Variants in ARHGEF10 observed in about 807,000 individuals in gnomAD.
The protein encoded by ARHGEF10 is Rho guanine nucleotide exchange factor (GEF) 10.
In ARHGEF10, 140 loss-of-function variants were observed where a neutral mutation model predicts 147.4. The observed-to-expected ratio is 0.95, with a 90% CI of 0.83 to 1.09. ARHGEF10 has a LOEUF of 1.09. ARHGEF10 is among the 50% of genes least tolerant of loss of function. The pLI, the probability that ARHGEF10 is intolerant of heterozygous loss-of-function variation, is 0.00. For missense variants in ARHGEF10, 2,222 were observed against 1,752.7 expected, an observed-to-expected ratio of 1.27 and a Z score of -4.78; for synonymous variants, 902 against 695.8, an observed-to-expected ratio of 1.30 and a Z score of -4.67.
rs1264577586 is a variant in ARHGEF10 at position 1,952,726 on chromosome 8, C to T, written c.3419C>T (p.Thr1140Met). The change falls in exon 28 of 29, where the codon ACG (threonine) becomes ATG (methionine). Residue 1140 changes from threonine (T) to methionine (M), a missense_variant. By Grantham distance (81) the Thr-to-Met change is moderately conservative (BLOSUM62 -1). Coordinates refer to ENST00000349830, the MANE Select transcript of ARHGEF10 (RefSeq NM_014629.4). ...CCAGGGCACCAGCGGCTGTCGGTGA[C>T]GAGCCTGCTCGTCTGCCACGGATTG... ...MLPGHQRLSVTSLLVCHGLLM... is the reference protein window; with the variant it reads ...MLPGHQRLSVMSLLVCHGLLM... The T allele has an allele frequency of 3.6e-5, 58 of 1,612,922 alleles. No homozygotes were observed. Among genetic ancestry groups the T allele is most frequent in the Non-Finnish European group, 4.5e-5 (53 of 1,179,944 alleles).
chr8:1,875,484 C>T (rs1421210716), intron 7 of ARHGEF10, among the ~76,000 whole-genome samples: 3 of 152,162 alleles, frequency 2.0e-5, no homozygotes, highest in South Asian at 2.1e-4. Context: ...GGACTTGACC[C>T]ATTCATCCGC....
intron 26 of ARHGEF10, among the ~76,000 whole-genome samples, chr8:1,945,225 C>T (rs1563324085): frequency 6.6e-6 from 1 of 152,214 alleles, no homozygotes; most frequent in Non-Finnish European, 1.5e-5. Flanking sequence ...AGCTCAGTGG[C>T]CCCTCGGCAG....
chr8:1,860,340 C>G (rs13277372), intron 4 of ARHGEF10, among the ~76,000 whole-genome samples, 156 bp downstream of exon 4: 1,209 of 132,188 alleles, frequency 9.1e-3, no homozygotes, highest in Middle Eastern at 0.017. Context: ...CTCCTCCTCT[C>G]CATGCCCCCG....
chr8:1,935,200 C>T (rs1433074815), intron 26 of ARHGEF10, among the ~76,000 whole-genome samples: 1 of 152,050 alleles, frequency 6.6e-6, no homozygotes, highest in Non-Finnish European at 1.5e-5. Flanking sequence ...CCCCTCCTCC[C>T]ACACACGCAC....
At position 1,948,721 on chromosome 8, in the gene ARHGEF10, C is replaced by G. The variant is rs1171456301; in HGVS notation, c.3397+3066C>G. 6.6e-6 allele frequency among the ~76,000 whole-genome samples: 1 copy of G among 152,210 alleles called. No homozygotes were observed. Among genetic ancestry groups the G allele is most frequent in the Non-Finnish European group, 1.5e-5 (1 of 68,040 alleles). On this transcript the variant is annotated intron_variant, in intron 27 of 28. Transcript: ENST00000349830. The surrounding 1 kb of genome is among the most constrained non-coding windows in gnomAD (Gnocchi z 4.9). ...AGTCCTTTCCTCCAGAGAGTCCTTT[C>G]ATCTCATCTCCTCTGTCTAGTCGTC...
intron 2 of ARHGEF10, among the ~76,000 whole-genome samples, chr8:1,855,256 G>T (rs1805462946): frequency 6.6e-6 from 1 of 152,164 alleles, no homozygotes; most frequent in Non-Finnish European, 1.5e-5. Context: ...TTTGAGTTCA[G>T]CGGTAGTAAA....
At chr8:1,868,573 T>C (rs1563202942) in intron 6 of ARHGEF10, among the ~76,000 whole-genome samples, 1 of 152,222 alleles carries the variant, frequency 6.6e-6, no homozygotes, top group Admixed American at 6.5e-5. Flanking sequence ...TGAAACGGTT[T>C]CACTTTCACA....
chr8:1,904,844 G>A (rs1810755633), intron 16 of ARHGEF10, among the ~76,000 whole-genome samples: 1 of 152,162 alleles, frequency 6.6e-6, no homozygotes, highest in Non-Finnish European at 1.5e-5. Context: ...GTATTGGCCG[G>A]GTGCAGTGGC....
At chr8:1,934,039 CT>C (rs1208179992) in intron 26 of ARHGEF10, 97 bp downstream of exon 26, 1 of 1,544,238 alleles carries the variant, frequency 6.5e-7, no homozygotes, top group African/African-American at 1.4e-5. Flanking sequence ...TTGCCTGTGG[CT>C]AAATTTCCTT....
At chr8:1,926,616 G>T (rs1337693407) in intron 23 of ARHGEF10, 153 bp downstream of exon 23, 4 of 728,670 alleles carry the variant, frequency 5.5e-6, no homozygotes, top group South Asian at 1.5e-5. Flanking sequence ...TCTTTGAAAG[G>T]GAGCTGATCA....
chr8:1,933,296 C>T (rs1260184516), intron 25 of ARHGEF10, among the ~76,000 whole-genome samples: 1 of 152,162 alleles, frequency 6.6e-6, no homozygotes, highest in East Asian at 1.9e-4. Flanking sequence ...AATGTAACAT[C>T]TGCCCAGTTA....
intron 26 of ARHGEF10, among the ~76,000 whole-genome samples, chr8:1,935,626 T>C (rs779082812): frequency 6.6e-6 from 1 of 152,182 alleles, no homozygotes; most frequent in Non-Finnish European, 1.5e-5. Flanking sequence ...CAGTTAGCAC[T>C]GGGGCTCATA....
rs1433734406 is a variant in ARHGEF10 at position 1,889,556 on chromosome 8, C to G, written c.1182+3849C>G. Among the ~76,000 whole-genome samples the G allele has an allele frequency of 2.7e-4, 9 of 33,854 alleles. 1 individual carries two copies. Among genetic ancestry groups the G allele is most frequent in the Admixed American group, 7.1e-4 (2 of 2,798 alleles). 22.2% of individuals were successfully genotyped at this position (33,854 alleles called of 152,430 possible). A position where few individuals can be genotyped will look rare whatever the true frequency, so the allele number is the denominator to read the frequency against. ...GGAGACACTGAGTAGGGTAAGGAGT[C>G]TGTGTGGAGACACTGAGTGGGGTGA... On this transcript the variant is annotated intron_variant, in intron 11 of 28. Transcript: ENST00000349830.
intron 10 of ARHGEF10, among the ~76,000 whole-genome samples, chr8:1,884,636 A>T (rs1808501557): frequency 6.6e-6 from 1 of 152,194 alleles, no homozygotes; most frequent in African/African-American, 2.4e-5. Context: ...CTGTGCAGCC[A>T]GGGTTTGGGA....
intron 16 of ARHGEF10, chr8:1,903,842 C>G: frequency 3.6e-6 from 1 of 281,608 alleles, no homozygotes; most frequent in Non-Finnish European, 6.8e-6. Context: ...ACCTGTAAGC[C>G]CAGCACTTTG....
chr8:1,873,497 CCGCA>C (rs1807328557), intron 7 of ARHGEF10, among the ~76,000 whole-genome samples: 1 of 137,594 alleles, frequency 7.3e-6, no homozygotes, highest in South Asian at 2.4e-4. Context: ...GGTAGTGCAC[CCGCA>C]TTTCCTCGTT....
intron 26 of ARHGEF10, 149 bp from the exon 27 acceptor site, chr8:1,945,332 G>T: frequency 2.1e-6 from 2 of 957,268 alleles, no homozygotes; most frequent in Non-Finnish European, 3.2e-6. Flanking sequence ...GCTGGTGTTT[G>T]GTTGCTGGAG....
intron 26 of ARHGEF10, among the ~76,000 whole-genome samples, chr8:1,942,975 G>T (rs1473178011): frequency 6.6e-6 from 1 of 152,194 alleles, no homozygotes. Flanking sequence ...ATTCAAGAGT[G>T]GTTAAAGTTG....
In ARHGEF10 at chr8:1,894,406, C is replaced by T. The variant is rs773045342; in HGVS notation, c.1274C>T (p.Pro425Leu). ...ATTTTGTCTTAGCAATATGAGAAGC[C>T]GCTGTCTGAGATGGAGCCAAAGGTT... ...LKRILEQYEK[P>L]LSEMEPKVLS... Residue 425 changes from proline (P) to leucine (L), a missense_variant, in exon 13 of 29, where the codon CCG (proline) becomes CTG (leucine). Transcript: ENST00000349830. 9 of 1,614,022 alleles carry T rather than the reference C, an allele frequency of 5.6e-6. No homozygotes were observed. The highest frequency in any genetic ancestry group is 1.1e-5 in the South Asian group (1 of 91,080).
Sources: allele counts gnomAD v4.1 joint callset (sites outside exome capture counted in the v4.1 genomes callset), GRCh38; gene constraint gnomAD v4.1.1; non-coding constraint Gnocchi (gnomAD v3.1); transcripts MANE v1.5; gene names NCBI Gene and HGNC (gene_info 2026-07-23, HGNC 2026-07-21).